The following CTNNA2 variants were observed in gnomAD, a reference collection of about 807,000 sequenced individuals.
The protein encoded by CTNNA2 is catenin alpha 2.
In CTNNA2, 42 loss-of-function variants were observed where a neutral mutation model predicts 101.0. The observed-to-expected ratio is 0.42, with a 90% CI of 0.32 to 0.54. The LOEUF (loss-of-function observed/expected upper bound fraction) is 0.54, where lower values mean the gene tolerates loss of function less well. Ranked by LOEUF, CTNNA2 falls within the 20% of genes least tolerant of loss-of-function variation. CTNNA2 has a pLI of 0.14. For synonymous variants in CTNNA2, 450 were observed against 456.4 expected (o/e 0.99, Z 0.18); for missense variants, 871 against 1,223.1 (o/e 0.71, Z 4.29).
intron 14 of CTNNA2, 95 bp downstream of exon 14, chr2:80,581,914 C>T: frequency 1.4e-6 from 1 of 710,488 alleles, no homozygotes; most frequent in East Asian, 2.6e-5. Flanking sequence ...CGTGGTACCC[C>T]AGAGATTCAT....
intron 9 of CTNNA2, among the ~76,000 whole-genome samples, chr2:80,512,149 C>CAAA (rs59359924): frequency 8.2e-5 from 6 of 73,506 alleles, no homozygotes; most frequent in African/African-American, 6.1e-5. Context: ...CACTCTGTCT[C>CAAA]AAAAAAAAAA....
chr2:79,599,955 G>C (rs1247363202), intron 1 of CTNNA2, among the ~76,000 whole-genome samples: 1 of 152,096 alleles, frequency 6.6e-6, no homozygotes, highest in African/African-American at 2.4e-5. Context: ...AGTCTTGAGG[G>C]AGTAGAACAG....
chr2:79,908,738 A>G (rs1270648864), intron 6 of CTNNA2, among the ~76,000 whole-genome samples: 5 of 151,978 alleles, frequency 3.3e-5, no homozygotes, highest in South Asian at 2.1e-4. Context: ...TTCTGGCTCT[A>G]TTCACTTTAC....
chr2:79,252,318 A>C (rs1284541487), intron 2 of CTNNA2, among the ~76,000 whole-genome samples: 1 of 151,844 alleles, frequency 6.6e-6, no homozygotes, highest in East Asian at 1.9e-4. Context: ...CAGTAGGTAT[A>C]GTTTCTCTGT....
intron 1 of CTNNA2, among the ~76,000 whole-genome samples, chr2:79,618,148 C>T (rs540506169): frequency 3.9e-5 from 6 of 152,282 alleles, no homozygotes; most frequent in African/African-American, 1.4e-4. Flanking sequence ...ACCCAGTGCC[C>T]AGTGGAGCAT....
intron 7 of CTNNA2, among the ~76,000 whole-genome samples, chr2:80,163,714 T>C (rs1704482061): frequency 6.6e-6 from 1 of 152,136 alleles, no homozygotes; most frequent in South Asian, 2.1e-4. Context: ...GAGAAGAAAG[T>C]ATTGAAATCT....
chr2:79,655,088 TAG>T, intron 2 of CTNNA2, among the ~76,000 whole-genome samples: 1 of 152,322 alleles, frequency 6.6e-6, no homozygotes, highest in South Asian at 2.1e-4. Context: ...AATAAAAATG[TAG>T]CCTTTCATCA....
intron 7 of CTNNA2, chr2:80,305,446 A>C: frequency 3.3e-6 from 3 of 919,398 alleles, no homozygotes; most frequent in Non-Finnish European, 3.9e-6. Context: ...GGGAGGGCTT[A>C]CCCTGACTTG....
chr2:79,272,712 T>C (rs1276258838), intron 2 of CTNNA2, among the ~76,000 whole-genome samples: 1 of 152,138 alleles, frequency 6.6e-6, no homozygotes, highest in African/African-American at 2.4e-5. Flanking sequence ...CAGCAATAAT[T>C]ACACCCATTT....
At chr2:80,519,514 T>C (rs1264590554) in intron 9 of CTNNA2, among the ~76,000 whole-genome samples, 3 of 152,220 alleles carry the variant, frequency 2.0e-5, no homozygotes, top group African/African-American at 7.2e-5. Flanking sequence ...TTAAAAATGC[T>C]TCCATATTGC....
intron 7 of CTNNA2, among the ~76,000 whole-genome samples, chr2:80,257,250 AATAC>A (rs1672244247): frequency 2.0e-5 from 3 of 151,752 alleles, no homozygotes; most frequent in East Asian, 1.9e-4. Flanking sequence ...TATGTATATA[AATAC>A]ATACATATAA....
At chr2:79,529,253 A>G (rs1672597656) in intron 1 of CTNNA2, among the ~76,000 whole-genome samples, 1 of 152,176 alleles carries the variant, frequency 6.6e-6, no homozygotes, top group South Asian at 2.1e-4. Flanking sequence ...TACAGAAGCA[A>G]GAAGACTTAG....
At chr2:79,494,987 C>A (rs1018330861) in intron 4 of CTNNA2, among the ~76,000 whole-genome samples, 82 of 152,156 alleles carry the variant, frequency 5.4e-4, no homozygotes, top group African/African-American at 1.9e-3. Context: ...CCTGTAGTCC[C>A]AGCTACTTAG....
Position 80,645,720 on chromosome 2 carries a change from C to T in CTNNA2, c.2575-1865C>T, listed in dbSNP as rs1674009180. Reference sequence around the variant, plus strand: ...CTTCTCTCCTGTTAACATGAATAACCTAGAGTTTGCTTTTCCTTAGCTATC... The same window carrying T: ...CTTCTCTCCTGTTAACATGAATAACTTAGAGTTTGCTTTTCCTTAGCTATC... On this transcript the variant is annotated intron_variant, in intron 18 of 18. Transcript: ENST00000402739. Among the ~76,000 whole-genome samples the T allele has an allele frequency of 2.6e-5, 4 of 152,108 alleles. No homozygotes were observed. In the South Asian group the frequency reaches 8.3e-4, roughly 31 times the overall value.
chr2:79,820,682 A>G (rs1035135227), intron 3 of CTNNA2, among the ~76,000 whole-genome samples: 7 of 152,194 alleles, frequency 4.6e-5, no homozygotes, highest in Admixed American at 3.9e-4. Context: ...GAAATTCACC[A>G]TGTTTATTTT....
chr2:80,533,746 CTAAG>C (rs1690744088), intron 9 of CTNNA2, among the ~76,000 whole-genome samples: 1 of 152,058 alleles, frequency 6.6e-6, no homozygotes, highest in Admixed American at 6.6e-5. Context: ...ATGCTGAAAA[CTAAG>C]TAATAGTGGA....
At chr2:80,033,731 C>T (rs1046036920) in intron 7 of CTNNA2, among the ~76,000 whole-genome samples, 1 of 152,054 alleles carries the variant, frequency 6.6e-6, no homozygotes, top group Non-Finnish European at 1.5e-5. Flanking sequence ...ATTGAGAATA[C>T]ACTGCAAGCT....
rs766103080 is a variant in CTNNA2, at chr2:80,589,296, C to G, written c.2008-8C>G. On this transcript the variant is annotated splice_polypyrimidine_tract_variant and splice_region_variant and intron_variant, in intron 14 of 18. Coordinates refer to ENST00000402739, the MANE Select transcript of CTNNA2 (RefSeq NM_001282597.3). Reference sequence around the variant, plus strand: ...CCGTCACTCACGCTTTTTCTGTAACCCACGCAGGCCATCATGGCGCAACTA... The same window carrying G: ...CCGTCACTCACGCTTTTTCTGTAACGCACGCAGGCCATCATGGCGCAACTA... 1 of 1,613,216 alleles carries G rather than the reference C, an allele frequency of 6.2e-7. No individual in the cohort carries two copies. Among genetic ancestry groups the G allele is most frequent in the East Asian group, 2.2e-5 (1 of 44,836 alleles).
intron 7 of CTNNA2, among the ~76,000 whole-genome samples, chr2:80,356,454 C>T (rs532136690): frequency 5.9e-5 from 9 of 152,216 alleles, no homozygotes; most frequent in Non-Finnish European, 8.8e-5. Flanking sequence ...AGGTTTCTTC[C>T]GGCTCAAACA....
Sources: allele counts gnomAD v4.1 joint callset (sites outside exome capture counted in the v4.1 genomes callset), GRCh38; gene constraint gnomAD v4.1.1; transcripts MANE v1.5; gene names NCBI Gene and HGNC (gene_info 2026-07-23, HGNC 2026-07-21).